TMEM232: variants seen among roughly 807,000 people sequenced by gnomAD.
TMEM232 encodes transmembrane protein 232.
TMEM232 carries 80 observed loss-of-function variants against 78.8 expected under a neutral mutation model. The observed-to-expected ratio is 1.01, with a 90% CI of 0.85 to 1.22. The LOEUF is 1.22. Among genes scored for constraint, TMEM232 ranks in the 50% most tolerant of loss-of-function variants. TMEM232 has a pLI of 0.00. For synonymous variants in TMEM232, 297 were observed against 254.3 expected, an observed-to-expected ratio of 1.17 and a Z score of -1.60; for missense variants, 881 against 742.2, an observed-to-expected ratio of 1.19 and a Z score of -2.17.
chr5:110,419,045 AC>A (rs756900899), downstream of TMEM232, among the ~76,000 whole-genome samples: 2 of 152,074 alleles, frequency 1.3e-5, no homozygotes, highest in Non-Finnish European at 2.9e-5. Context: ...GAAAATTGAA[AC>A]CTTGATGGGT....
intron 12 of TMEM232, among the ~76,000 whole-genome samples, chr5:110,495,803 G>GA (rs1283191551): frequency 6.6e-6 from 1 of 151,216 alleles, no homozygotes; most frequent in African/African-American, 2.4e-5. Flanking sequence ...GAACTAAAAT[G>GA]AAAGTGATCT....
At chr5:110,720,398 T>C (rs1797473056) in intron 1 of TMEM232, 1 of 152,016 alleles carries the variant, frequency 6.6e-6, no homozygotes, top group African/African-American at 2.4e-5. Context: ...TCTTTTAAAT[T>C]TGAGTTGAAG....
At chr5:110,569,747 G>T (rs1776733527) in intron 10 of TMEM232, among the ~76,000 whole-genome samples, 1 of 151,816 alleles carries the variant, frequency 6.6e-6, no homozygotes, top group South Asian at 2.1e-4. Context: ...ACCGGAGGGG[G>T]TACTAACTAT....
At chr5:110,528,457 G>A in intron 12 of TMEM232, 131 bp downstream of exon 12, 2 of 861,716 alleles carry the variant, frequency 2.3e-6, no homozygotes, top group Non-Finnish European at 3.3e-6. Context: ...TCATCTAAGA[G>A]GTGATCAAGC....
At chr5:110,619,304 C>T (rs569352091) in intron 7 of TMEM232, among the ~76,000 whole-genome samples, 1 of 152,080 alleles carries the variant, frequency 6.6e-6, no homozygotes, top group African/African-American at 2.4e-5. Context: ...TTATATAAAA[C>T]AACATCAGGA....
intron 12 of TMEM232, among the ~76,000 whole-genome samples, chr5:110,512,597 G>A (rs1239665797): frequency 8.5e-5 from 13 of 152,246 alleles, no homozygotes; most frequent in East Asian, 1.9e-4. Context: ...TCCCTGACAG[G>A]CGGACAGAAA....
At chr5:110,708,817 A>G (rs1796193735) in intron 1 of TMEM232, among the ~76,000 whole-genome samples, 1 of 152,152 alleles carries the variant, frequency 6.6e-6, no homozygotes, top group Admixed American at 6.6e-5. Flanking sequence ...GACAGGAAGA[A>G]AGGAAAGAGG....
At chr5:110,392,610 A>G (rs1200839658) in intron 3 of TMEM232, among the ~76,000 whole-genome samples, 1 of 152,190 alleles carries the variant, frequency 6.6e-6, no homozygotes, top group Non-Finnish European at 1.5e-5. Context: ...TCGTCACATG[A>G]TGGAGAGAGA....
chr5:110,571,703 T>G (rs956256212), intron 10 of TMEM232, among the ~76,000 whole-genome samples: 1 of 151,516 alleles, frequency 6.6e-6, no homozygotes, highest in African/African-American at 2.4e-5. Context: ...TTGTTTTTTT[T>G]TTAAATTAGC....
chr5:110,486,167 G>A (rs929086658), intron 12 of TMEM232, among the ~76,000 whole-genome samples: 1 of 151,162 alleles, frequency 6.6e-6, no homozygotes, highest in Non-Finnish European at 1.5e-5. Flanking sequence ...TTTAACGGGA[G>A]GTTTTTTTTT....
chr5:110,435,611 A>G (rs1758344271), intron 12 of TMEM232, among the ~76,000 whole-genome samples: 1 of 151,490 alleles, frequency 6.6e-6, no homozygotes, highest in Non-Finnish European at 1.5e-5. Flanking sequence ...CTTCCCCTCT[A>G]CCCTTCACTA....
At chr5:110,512,318 G>A (rs1191805759) in intron 12 of TMEM232, among the ~76,000 whole-genome samples, 1 of 152,108 alleles carries the variant, frequency 6.6e-6, no homozygotes, top group Non-Finnish European at 1.5e-5. Context: ...AACTATGTGG[G>A]TGCAAAGTTC....
At chr5:110,638,415 C>T (rs1786195963) in intron 4 of TMEM232, 60 bp from the exon 5 acceptor site, 2 of 1,409,498 alleles carry the variant, frequency 1.4e-6, no homozygotes, top group African/African-American at 2.9e-5. Flanking sequence ...TTTCCACATG[C>T]TATAATTACT....
chr5:110,405,001 A>G (rs1459396924), intron 2 of TMEM232, among the ~76,000 whole-genome samples: 1 of 152,188 alleles, frequency 6.6e-6, no homozygotes. Context: ...AATATTATCA[A>G]GAATTCAGCC....
chr5:110,492,575 C>A (rs1184323338), intron 12 of TMEM232, among the ~76,000 whole-genome samples: 1 of 151,866 alleles, frequency 6.6e-6, no homozygotes, highest in Non-Finnish European at 1.5e-5. Flanking sequence ...ATTCTTATGT[C>A]AAAAGGTTCA....
rs556746008 is a variant in TMEM232, at chr5:110,472,290, T to A, written c.1704-47374A>T. On this transcript the variant is annotated intron_variant, in intron 12 of 13. Transcript: ENST00000455884. ...AAAGAAATAAAAGCAAACAACTCCATTCACAATAACTACAAAAAATAAGAT... is the reference window on the plus strand; with the variant it reads ...AAAGAAATAAAAGCAAACAACTCCAATCACAATAACTACAAAAAATAAGAT... Among the ~76,000 whole-genome samples, 465 of 151,960 alleles carry A rather than the reference T, an allele frequency of 3.1e-3. 3 individuals are homozygous for A. The highest frequency in any genetic ancestry group is 0.011 in the African/African-American group (444 of 41,518).
At chr5:110,613,475 T>A (rs993830799) in intron 8 of TMEM232, among the ~76,000 whole-genome samples, 4 of 152,178 alleles carry the variant, frequency 2.6e-5, no homozygotes, top group African/African-American at 9.6e-5. Flanking sequence ...TTCAACATTA[T>A]GTTACTTTCC....
chr5:110,528,495 G>A (rs1770939992), intron 12 of TMEM232, 93 bp downstream of exon 12: 8 of 1,314,430 alleles, frequency 6.1e-6, no homozygotes, highest in Middle Eastern at 5.5e-4. Flanking sequence ...AAGAGAAACT[G>A]AGTTAAATGA....
At chr5:110,556,273 TG>T (rs1229766860) in intron 11 of TMEM232, among the ~76,000 whole-genome samples, 1 of 152,082 alleles carries the variant, frequency 6.6e-6, no homozygotes, top group Non-Finnish European at 1.5e-5. Context: ...AACTCTTGGT[TG>T]GAATTTCCTT....
Sources: gnomAD v4.1 joint callset for allele counts (sites outside exome capture counted in the v4.1 genomes callset) on GRCh38, gnomAD v4.1.1 for gene constraint, MANE v1.5 for transcripts, NCBI Gene and HGNC (gene_info 2026-07-23, HGNC 2026-07-21) for gene names.